The following PPP1R21 variants were observed in gnomAD, a reference collection of about 807,000 sequenced individuals.
The protein encoded by PPP1R21 is KLRAQ motif containing 1.
PPP1R21 carries 85 observed loss-of-function variants against 112.8 expected under a neutral mutation model. That is an observed-to-expected ratio of 0.75 (90% CI 0.63 to 0.90). The LOEUF (loss-of-function observed/expected upper bound fraction) is 0.90, where lower values mean the gene tolerates loss of function less well. Among genes scored for constraint, PPP1R21 ranks in the 40% least tolerant of loss-of-function variants. PPP1R21 has a pLI of 0.00. For synonymous variants in PPP1R21, 381 were observed against 322.3 expected (o/e 1.18, Z -1.95); for missense variants, 1,199 against 901.5 (o/e 1.33, Z -4.23).
chr2:48,505,503 G>A (rs905278833), intron 17 of PPP1R21, 61 bp from the exon 18 acceptor site: 1 of 1,225,576 alleles, frequency 8.2e-7, no homozygotes, highest in African/African-American at 1.5e-5. Flanking sequence ...AAAAGCGTTT[G>A]ATCTATTGTG....
chr2:48,499,285 A>T (rs987086592), intron 17 of PPP1R21, among the ~76,000 whole-genome samples: 3 of 152,224 alleles, frequency 2.0e-5, no homozygotes, highest in Non-Finnish European at 4.4e-5. Context: ...ATTTTACATG[A>T]GACTTCCTCA....
intron 17 of PPP1R21, among the ~76,000 whole-genome samples, chr2:48,500,742 A>T (rs868851897): frequency 5.9e-5 from 9 of 152,100 alleles, no homozygotes; most frequent in African/African-American, 2.2e-4. Context: ...CCCCATCTCT[A>T]CTAAAATACA....
chr2:48,487,412 T>C (rs1422755127), intron 14 of PPP1R21, among the ~76,000 whole-genome samples: 2 of 152,206 alleles, frequency 1.3e-5, no homozygotes, highest in Non-Finnish European at 2.9e-5. Flanking sequence ...CATGATCGTC[T>C]GGATCATTAA....
intron 12 of PPP1R21, among the ~76,000 whole-genome samples, chr2:48,477,130 T>C (rs1422335695): frequency 1.3e-5 from 2 of 148,314 alleles, no homozygotes; most frequent in African/African-American, 4.9e-5. Context: ...TTTTTTTTTT[T>C]TTTTTTTTTT....
chr2:48,472,779 C>G (rs970137761), intron 11 of PPP1R21, among the ~76,000 whole-genome samples: 1 of 151,558 alleles, frequency 6.6e-6, no homozygotes, highest in Admixed American at 6.6e-5. Context: ...GGAGACCTGT[C>G]TCTACTGAAA....
chr2:48,476,270 T>A (rs1313752904), intron 12 of PPP1R21, among the ~76,000 whole-genome samples: 1 of 152,266 alleles, frequency 6.6e-6, no homozygotes, highest in Non-Finnish European at 1.5e-5. Flanking sequence ...ATAAAAGTTG[T>A]AGCATGTATC....
At chr2:48,514,475 A>G (rs1670783431) in intron 21 of PPP1R21, among the ~76,000 whole-genome samples, 2 of 152,060 alleles carry the variant, frequency 1.3e-5, no homozygotes, top group Non-Finnish European at 2.9e-5. Context: ...TTCTTTCTTT[A>G]TTTCCTGTCC....
At chr2:48,492,999 T>C (rs1669638531) in intron 15 of PPP1R21, among the ~76,000 whole-genome samples, 5 of 151,456 alleles carry the variant, frequency 3.3e-5, no homozygotes, top group African/African-American at 1.2e-4. Flanking sequence ...ATTCTCTCTT[T>C]AGGTCATTTA....
intron 12 of PPP1R21, among the ~76,000 whole-genome samples, chr2:48,477,763 G>A (rs1668824463): frequency 6.6e-6 from 1 of 151,482 alleles, no homozygotes; most frequent in African/African-American, 2.4e-5. Context: ...CTACAAAGAA[G>A]TCAGTTGGGA....
chr2:48,449,351 A>G (rs1287847280), intron 1 of PPP1R21, among the ~76,000 whole-genome samples: 2 of 152,210 alleles, frequency 1.3e-5, no homozygotes. Context: ...CCCATTCTAT[A>G]GACCATATAG....
intron 20 of PPP1R21, among the ~76,000 whole-genome samples, chr2:48,510,465 C>T (rs1367495222): frequency 2.0e-5 from 3 of 152,158 alleles, no homozygotes; most frequent in Non-Finnish European, 2.9e-5. Flanking sequence ...TTGCATAAAA[C>T]GGATCTAAAC....
At chr2:48,514,331 C>T (rs192723492) in intron 21 of PPP1R21, among the ~76,000 whole-genome samples, 1 of 152,204 alleles carries the variant, frequency 6.6e-6, no homozygotes, top group East Asian at 1.9e-4. Context: ...CGTGATCCAC[C>T]CGCCTCGGCC....
intron 20 of PPP1R21, among the ~76,000 whole-genome samples, chr2:48,510,494 C>T (rs1303395657): frequency 6.6e-6 from 1 of 152,210 alleles, no homozygotes; most frequent in East Asian, 1.9e-4. Flanking sequence ...GGGGCTATAA[C>T]ATTCCTTCTT....
intron 16 of PPP1R21, among the ~76,000 whole-genome samples, chr2:48,496,214 G>C (rs536544342): frequency 6.6e-6 from 1 of 150,524 alleles, no homozygotes. Context: ...CAGAAAAAAA[G>C]GAAAAAAAAA....
At chr2:48,477,116 ATTTTTTTTT>A (rs779139882) in intron 12 of PPP1R21, among the ~76,000 whole-genome samples, 1 of 114,770 alleles carries the variant, frequency 8.7e-6, no homozygotes, top group Non-Finnish European at 1.8e-5. Context: ...TTTTGAATTA[ATTTTTTTTT>A]TTTTTTTTTT....
At position 48,474,676 on chromosome 2, in the gene PPP1R21, T is replaced by C; in HGVS notation, c.1089-7T>C. The C allele has an allele frequency of 6.3e-7, 1 of 1,598,502 alleles. No homozygotes were observed. On this transcript the variant is annotated splice_region_variant and splice_polypyrimidine_tract_variant and intron_variant, in intron 11 of 21. Coordinates refer to ENST00000294952, the MANE Select transcript of PPP1R21 (RefSeq NM_001135629.3). ...TGCTCACTTCTTAAAAATCTGCCTA[T>C]TCCTAGTTTAGAAGAAGAATGTGAA...
At chr2:48,493,071 C>T (rs918783741) in intron 15 of PPP1R21, among the ~76,000 whole-genome samples, 2 of 132,282 alleles carry the variant, frequency 1.5e-5, no homozygotes, top group East Asian at 2.2e-4. Context: ...GGCTGGAGTG[C>T]AGTGGCATGA....
intron 15 of PPP1R21, among the ~76,000 whole-genome samples, chr2:48,492,037 C>G (rs1432457315): frequency 6.6e-6 from 1 of 152,076 alleles, no homozygotes; most frequent in Non-Finnish European, 1.5e-5. Context: ...AAGTTGTTGC[C>G]TGTTTTTCAC....
chr2:48,478,472 G>A (rs1447737263), intron 12 of PPP1R21, among the ~76,000 whole-genome samples: 1 of 152,222 alleles, frequency 6.6e-6, no homozygotes, highest in African/African-American at 2.4e-5. Context: ...TGACGATGGT[G>A]GCAGGGCTCT....
Sources: gnomAD v4.1 joint callset for allele counts (sites outside exome capture counted in the v4.1 genomes callset) on GRCh38, gnomAD v4.1.1 for gene constraint, MANE v1.5 for transcripts, NCBI Gene and HGNC (gene_info 2026-07-23, HGNC 2026-07-21) for gene names.